Variants in ARHGAP44 observed in about 807,000 individuals in gnomAD.
ARHGAP44 encodes the protein rho GTPase-activating protein 44.
Under a neutral mutation model 106.8 loss-of-function variants are expected in ARHGAP44, and 43 were observed. That is an observed-to-expected ratio of 0.40 (90% CI 0.32 to 0.52). The LOEUF (loss-of-function observed/expected upper bound fraction) is 0.52, where lower values mean the gene tolerates loss of function less well. Among genes scored for constraint, ARHGAP44 ranks in the 20% least tolerant of loss-of-function variants. The pLI is 0.48. For synonymous variants in ARHGAP44, 439 were observed against 410.3 expected, an observed-to-expected ratio of 1.07 and a Z score of -0.85; for missense variants, 866 against 1,050.5, an observed-to-expected ratio of 0.82 and a Z score of 2.43.
chr17:12,973,823 G>A, intron 17 of ARHGAP44: 2 of 566,858 alleles, frequency 3.5e-6, no homozygotes, highest in Non-Finnish European at 6.3e-6. Context: ...GCTTGTGGCC[G>A]CCAGCGCTGC....
intron 3 of ARHGAP44, among the ~76,000 whole-genome samples, chr17:12,903,745 C>CCCTT (rs2037465788): frequency 6.6e-6 from 1 of 152,150 alleles, no homozygotes; most frequent in Non-Finnish European, 1.5e-5. Context: ...ATCCCTCACC[C>CCCTT]TCCTCCCACC....
intron 9 of ARHGAP44, 88 bp from the exon 10 acceptor site, chr17:12,943,981 G>A (rs2038775722): frequency 2.8e-6 from 4 of 1,451,140 alleles, no homozygotes. Context: ...GTAATCTTAG[G>A]AGAATCTGGA....
intron 8 of ARHGAP44, among the ~76,000 whole-genome samples, chr17:12,941,336 A>G (rs1054924627): frequency 2.0e-5 from 3 of 152,020 alleles, no homozygotes; most frequent in Non-Finnish European, 2.9e-5. Flanking sequence ...GGATTATTGC[A>G]ACTCAGTCCA....
chr17:12,936,146 A>G (rs1567696563), intron 7 of ARHGAP44, among the ~76,000 whole-genome samples: 1 of 152,172 alleles, frequency 6.6e-6, no homozygotes, highest in African/African-American at 2.4e-5. Context: ...CCCAATGTCA[A>G]CATCACACAC....
chr17:12,896,327 T>G (rs2037204004), intron 2 of ARHGAP44, 80 bp from the exon 3 acceptor site: 1 of 1,181,050 alleles, frequency 8.5e-7, no homozygotes, highest in Non-Finnish European at 1.2e-6. Context: ...GAAACATGAG[T>G]TGTGATTGTC....
chr17:12,923,971 A>G (rs1275308974), intron 6 of ARHGAP44, among the ~76,000 whole-genome samples: 1 of 152,176 alleles, frequency 6.6e-6, no homozygotes, highest in African/African-American at 2.4e-5. Flanking sequence ...CCATAAAGCC[A>G]ATGGCACAGG....
chr17:12,973,527 T>G (rs2039581051), intron 17 of ARHGAP44: 1 of 601,688 alleles, frequency 1.7e-6, no homozygotes, highest in African/African-American at 1.9e-5. Flanking sequence ...TGTAGACAAG[T>G]GGGAGTGGCC....
intron 7 of ARHGAP44, among the ~76,000 whole-genome samples, chr17:12,930,333 A>C (rs1400792712): frequency 6.6e-6 from 1 of 151,952 alleles, no homozygotes; most frequent in East Asian, 1.9e-4. Context: ...TCCCAGGTTG[A>C]AGTGATTCTC....
intron 7 of ARHGAP44, among the ~76,000 whole-genome samples, chr17:12,930,941 T>G (rs1307830088): frequency 6.6e-6 from 1 of 152,240 alleles, no homozygotes; most frequent in Non-Finnish European, 1.5e-5. Flanking sequence ...CAAGCAGCCA[T>G]AACAGTTATA....
At chr17:12,828,734 C>T (rs922818487) in intron 1 of ARHGAP44, among the ~76,000 whole-genome samples, 2 of 150,718 alleles carry the variant, frequency 1.3e-5, no homozygotes, top group Admixed American at 6.6e-5. Flanking sequence ...CTCCACCTCC[C>T]GGGTTCATGC....
intron 8 of ARHGAP44, among the ~76,000 whole-genome samples, chr17:12,942,092 T>C (rs1398960080): frequency 1.3e-5 from 2 of 152,238 alleles, no homozygotes; most frequent in Non-Finnish European, 2.9e-5. Flanking sequence ...CCCCTTCTAC[T>C]GGAAAAGGAG....
At chr17:12,840,145 T>C (rs2035350113) in intron 1 of ARHGAP44, among the ~76,000 whole-genome samples, 1 of 152,206 alleles carries the variant, frequency 6.6e-6, no homozygotes, top group Non-Finnish European at 1.5e-5. Context: ...TTTTTTTGTG[T>C]GTCATCAGGG....
chr17:12,926,488 GTATAA>G (rs1567691195), intron 6 of ARHGAP44, among the ~76,000 whole-genome samples: 37 of 141,740 alleles, frequency 2.6e-4, no homozygotes, highest in African/African-American at 9.6e-4. Context: ...ATATATGTAT[GTATAA>G]TATATGTATA....
At chr17:12,860,523 C>T (rs2036038741) in intron 1 of ARHGAP44, among the ~76,000 whole-genome samples, 1 of 152,190 alleles carries the variant, frequency 6.6e-6, no homozygotes, top group African/African-American at 2.4e-5. Context: ...ATTTCCAGTG[C>T]TAGGCAACAT....
chr17:12,922,732 G>A (rs1192725133), intron 6 of ARHGAP44, among the ~76,000 whole-genome samples: 1 of 126,346 alleles, frequency 7.9e-6, no homozygotes, highest in East Asian at 2.4e-4. Flanking sequence ...CCGAGTAGCT[G>A]GGATTACAGG....
At chr17:12,888,962 C>T (rs968502040) in intron 1 of ARHGAP44, among the ~76,000 whole-genome samples, 22 of 152,176 alleles carry the variant, frequency 1.4e-4, no homozygotes, top group African/African-American at 7.2e-5. Flanking sequence ...TATTTTTAAG[C>T]TGCCTGTATA....
At chr17:12,840,529 A>G (rs1267504646) in intron 1 of ARHGAP44, among the ~76,000 whole-genome samples, 1 of 152,136 alleles carries the variant, frequency 6.6e-6, no homozygotes, top group Non-Finnish European at 1.5e-5. Context: ...CTTGTATCCT[A>G]GGTCACCTCT....
At chr17:12,807,089 C>T (rs73978219) in intron 1 of ARHGAP44, among the ~76,000 whole-genome samples, 5,768 of 152,232 alleles carry the variant, frequency 0.038, 142 homozygotes, top group African/African-American at 0.053. Flanking sequence ...AGTTTGCTTA[C>T]ATAGGAACCC....
intron 1 of ARHGAP44, among the ~76,000 whole-genome samples, chr17:12,822,698 A>C: frequency 6.6e-6 from 1 of 152,184 alleles, no homozygotes; most frequent in East Asian, 1.9e-4. Flanking sequence ...AAGGAAGAAC[A>C]TATGTTCAAT....
Sources: gnomAD v4.1 joint callset for allele counts (sites outside exome capture counted in the v4.1 genomes callset) on GRCh38, gnomAD v4.1.1 for gene constraint, MANE v1.5 for transcripts, NCBI Gene and HGNC (gene_info 2026-07-23, HGNC 2026-07-21) for gene names.